CEP55: variants seen among roughly 807,000 people sequenced by gnomAD.
The protein encoded by CEP55 is centrosomal protein 55.
Under a neutral mutation model 63.2 loss-of-function variants are expected in CEP55, and 57 were observed. The ratio of observed to expected loss-of-function variants is 0.90; its 90% CI spans 0.73 to 1.13. The LOEUF (loss-of-function observed/expected upper bound fraction) is 1.13, where lower values mean the gene tolerates loss of function less well. CEP55 is among the 50% of genes most tolerant of loss of function. The pLI is 0.00. For synonymous variants in CEP55, 178 were observed against 191.6 expected (o/e 0.93, Z 0.59); for missense variants, 456 against 518.9 (o/e 0.88, Z 1.18).
Position 93,519,577 on chromosome 10 carries a change from CAATA to C in CEP55, c.1066-100_1066-97del. 12 of 1,265,520 alleles carry C rather than the reference CAATA, an allele frequency of 9.5e-6. No individual in the cohort carries two copies. The South Asian group carries it at 1.7e-4, about 18-fold the overall frequency. 78.4% of individuals were successfully genotyped at this position (1,265,520 alleles called of 1,614,324 possible). ...TAGGTGAATTCTTGCTACGATGGTA[CAATA>C]AATATTTTCTTCATGTGCTAATAAA... On this transcript the variant is annotated intron_variant, in intron 7 of 8. Transcript: ENST00000371485.
At chr10:93,520,448 AG>A (rs2057849449) in intron 8 of CEP55, among the ~76,000 whole-genome samples, 3 of 151,946 alleles carry the variant, frequency 2.0e-5, no homozygotes, top group Admixed American at 6.6e-5. Context: ...AAAAAGAAAA[AG>A]AAAAAAATGC....
intron 8 of CEP55, among the ~76,000 whole-genome samples, chr10:93,521,481 A>G (rs890998685): frequency 2.0e-5 from 3 of 152,222 alleles, no homozygotes; most frequent in African/African-American, 4.8e-5. Flanking sequence ...CCGCAGCTCA[A>G]GGAGGCCTGC....
chr10:93,507,135 T>G (rs2057697494), intron 4 of CEP55, 79 bp downstream of exon 4: 1 of 792,882 alleles, frequency 1.3e-6, no homozygotes, highest in Non-Finnish European at 2.1e-6. Flanking sequence ...TTGGCAACAT[T>G]AGTGCTGTGA....
intron 8 of CEP55, among the ~76,000 whole-genome samples, chr10:93,523,457 A>C (rs1324100415): frequency 1.3e-5 from 2 of 152,104 alleles, no homozygotes; most frequent in Non-Finnish European, 2.9e-5. Flanking sequence ...TAGAGACCTA[A>C]AAAGAGACTT....
intron 3 of CEP55, among the ~76,000 whole-genome samples, chr10:93,503,921 G>C (rs1298493934): frequency 6.6e-6 from 1 of 150,832 alleles, no homozygotes; most frequent in Non-Finnish European, 1.5e-5. Context: ...AACCTTTATA[G>C]CCTTAGAGAC....
Position 93,503,331 on chromosome 10 carries a change from T to C in CEP55, c.402T>C (p.Ala134=). The part of the protein sequence containing the change: ...EKDVLKQQLS[A]ATSRIAELES... ...ACGTATTGAAACAACAGTTGTCTGCTGCAACCTCACGAATTGCTGAACTTG... is the reference window on the plus strand; with the variant it reads ...ACGTATTGAAACAACAGTTGTCTGCCGCAACCTCACGAATTGCTGAACTTG... The change falls in exon 3 of 9, where the codon GCT becomes GCC. Residue 134 remains alanine, a synonymous_variant. Transcript: ENST00000371485. 1 of 1,614,194 alleles carries C rather than the reference T, an allele frequency of 6.2e-7. No homozygotes were observed. Among genetic ancestry groups the C allele is most frequent in the South Asian group, 1.1e-5 (1 of 91,086 alleles).
chr10:93,522,301 A>G (rs1026545102), intron 8 of CEP55, among the ~76,000 whole-genome samples: 1 of 152,274 alleles, frequency 6.6e-6, no homozygotes, highest in Admixed American at 6.5e-5. Context: ...CACAAGCCTC[A>G]GTAGCCGATT....
intron 4 of CEP55, among the ~76,000 whole-genome samples, chr10:93,512,286 A>G (rs2057760405): frequency 6.6e-6 from 1 of 151,304 alleles, no homozygotes; most frequent in Admixed American, 6.6e-5. Context: ...GCACTTTGGG[A>G]GGCCAAGGCG....
chr10:93,501,483 G>A (rs944612931), intron 2 of CEP55, among the ~76,000 whole-genome samples: 1 of 152,158 alleles, frequency 6.6e-6, no homozygotes, highest in African/African-American at 2.4e-5. Context: ...GAGGTCAGGA[G>A]TTCAAGACCA....
intron 2 of CEP55, 22 bp from the exon 3 acceptor site, chr10:93,503,091 A>G (rs1197803514): frequency 4.4e-6 from 7 of 1,601,256 alleles, no homozygotes; most frequent in Non-Finnish European, 4.3e-6. Flanking sequence ...TTGTTCTAAG[A>G]TTCTTCTTAG....
chr10:93,504,887 T>A (rs1276720125), intron 3 of CEP55, among the ~76,000 whole-genome samples: 1 of 152,182 alleles, frequency 6.6e-6, no homozygotes, highest in Non-Finnish European at 1.5e-5. Flanking sequence ...CAATCTCAGC[T>A]CACTGCAACC....
At chr10:93,522,432 CTG>C (rs1483286602) in intron 8 of CEP55, among the ~76,000 whole-genome samples, 2 of 152,300 alleles carry the variant, frequency 1.3e-5, no homozygotes, top group African/African-American at 4.8e-5. Context: ...AAATATGGGA[CTG>C]TGTGAAAAGA....
At chr10:93,519,354 A>G (rs1049400599) in intron 7 of CEP55, among the ~76,000 whole-genome samples, 2 of 152,204 alleles carry the variant, frequency 1.3e-5, no homozygotes, top group African/African-American at 4.8e-5. Context: ...GATTTTTAGT[A>G]TATTCCAAAC....
intron 1 of CEP55, among the ~76,000 whole-genome samples, chr10:93,499,705 A>G (rs995418541): frequency 9.2e-5 from 14 of 152,018 alleles, no homozygotes; most frequent in African/African-American, 2.9e-4. Flanking sequence ...TAGTTTTAGT[A>G]GAGATGGAGT....
chr10:93,508,232 A>AT (rs2057708538), intron 4 of CEP55, among the ~76,000 whole-genome samples: 2 of 152,144 alleles, frequency 1.3e-5, no homozygotes, highest in African/African-American at 2.4e-5. Context: ...CTTACAGTGT[A>AT]TTTTTTTCAA....
chr10:93,500,309 T>C, intron 2 of CEP55, 75 bp downstream of exon 2: 1 of 1,220,628 alleles, frequency 8.2e-7, no homozygotes, highest in South Asian at 1.3e-5. Context: ...GATGCTACCT[T>C]CTTACTCTTG....
intron 8 of CEP55, among the ~76,000 whole-genome samples, chr10:93,524,440 A>T (rs1458778212): frequency 1.3e-5 from 2 of 152,172 alleles, no homozygotes; most frequent in African/African-American, 4.8e-5. Context: ...AATTGAGGCA[A>T]TAATTAATAG....
chr10:93,500,154 G>T lies in CEP55; in HGVS notation c.103G>T (p.Ala35Ser), dbSNP rs919749399. 5.6e-6 allele frequency: 9 copies of T among 1,613,608 alleles called. No homozygotes were observed. Among genetic ancestry groups the T allele is most frequent in the African/African-American group, 5.3e-5 (4 of 74,902 alleles). ...TTLEKLKGEIAHLKTSVDEIT... is the reference protein window; with the variant it reads ...TTLEKLKGEISHLKTSVDEIT... ...ATTAGAAAAATTAAAGGGAGAAATTGCACACTTAAAGACATCAGTGGATGA... is the reference window on the plus strand; with the variant it reads ...ATTAGAAAAATTAAAGGGAGAAATTTCACACTTAAAGACATCAGTGGATGA... The change falls in exon 2 of 9, where the codon GCA becomes TCA. Residue 35 changes from alanine (A) to serine (S), a missense_variant. Transcript: ENST00000371485.
At chr10:93,507,786 T>C (rs1191987568) in intron 4 of CEP55, among the ~76,000 whole-genome samples, 1 of 151,564 alleles carries the variant, frequency 6.6e-6, no homozygotes, top group Non-Finnish European at 1.5e-5. Flanking sequence ...GTACCTGGGA[T>C]TACAGGCACC....
Sources: gnomAD v4.1 joint callset for allele counts (sites outside exome capture counted in the v4.1 genomes callset) on GRCh38, gnomAD v4.1.1 for gene constraint, MANE v1.5 for transcripts, NCBI Gene and HGNC (gene_info 2026-07-23, HGNC 2026-07-21) for gene names.